The following TRHDE variants were observed in gnomAD, a reference collection of about 807,000 sequenced individuals.
TRHDE encodes thyrotropin releasing hormone degrading enzyme, also known as thyrotropin-releasing hormone-degrading ectoenzyme.
TRHDE carries 72 observed loss-of-function variants against 125.7 expected under a neutral mutation model. The observed-to-expected ratio is 0.57, with a 90% CI of 0.47 to 0.70. The LOEUF (loss-of-function observed/expected upper bound fraction) is 0.70. TRHDE is among the 30% of genes least tolerant of loss of function. The probability of loss-of-function intolerance (pLI) is 0.00; values close to 1 mark genes in which losing one functional copy is unlikely to be tolerated. For missense variants in TRHDE, 1,110 were observed against 1,327.1 expected (o/e 0.84, Z 2.54); for synonymous variants, 509 against 509.1 (o/e 1.00, Z 0.00).
At chr12:72,619,096 T>C (rs552663837) in intron 13 of TRHDE, 58 bp downstream of exon 13, 29 of 1,315,886 alleles carry the variant, frequency 2.2e-5, no homozygotes, top group African/African-American at 3.1e-5. Context: ...TTATTCTCTT[T>C]CTACTATTAT....
intron 2 of TRHDE, among the ~76,000 whole-genome samples, chr12:72,166,083 A>G (rs1876740769): frequency 1.3e-5 from 2 of 152,330 alleles, no homozygotes; most frequent in South Asian, 2.1e-4. Context: ...GCTGTATGCC[A>G]TAGCCTATTG....
intron 2 of TRHDE, among the ~76,000 whole-genome samples, chr12:72,166,907 C>CGTGT (rs59590935): frequency 0.049 from 6,865 of 139,236 alleles, 189 homozygotes; most frequent in African/African-American, 0.059. Context: ...GGTAGATGAA[C>CGTGT]GTGTGTGTGT....
intron 7 of TRHDE, among the ~76,000 whole-genome samples, chr12:72,561,855 G>A (rs980433179): frequency 6.6e-6 from 1 of 152,088 alleles, no homozygotes; most frequent in African/African-American, 2.4e-5. Flanking sequence ...CATTGAAGAG[G>A]TAGTGTTTTC....
Position 72,663,893 on chromosome 12 carries a change from C to G in TRHDE, c.*698C>G, listed in dbSNP as rs1875016149. 1 of 151,878 alleles carries G rather than the reference C, an allele frequency of 6.6e-6. No individual in the cohort carries two copies. Among genetic ancestry groups the G allele is most frequent in the Non-Finnish European group, 1.5e-5 (1 of 67,962 alleles). The allele number at this position is 151,878 out of a possible 1,614,324, so 9.4% of individuals were successfully genotyped here. A position where few individuals can be genotyped will look rare whatever the true frequency, so the allele number is the denominator to read the frequency against. On this transcript the variant is annotated 3_prime_UTR_variant, in exon 19 of 19. Transcript: ENST00000261180. ...ATATGTATATGTACATAGGGAAGCC[C>G]CATATGTATATAGTATGTTGTACAC...
intron 15 of TRHDE, among the ~76,000 whole-genome samples, chr12:72,638,946 T>C (rs1465924936): frequency 1.3e-5 from 2 of 152,002 alleles, no homozygotes; most frequent in Non-Finnish European, 2.9e-5. Flanking sequence ...CATTTTTTCC[T>C]TCATTTCAAC....
chr12:72,180,032 G>T (rs1314741914), intron 2 of TRHDE, among the ~76,000 whole-genome samples: 1 of 151,646 alleles, frequency 6.6e-6, no homozygotes, highest in African/African-American at 2.4e-5. Context: ...ATTAGTAATT[G>T]ATATTACTAC....
chr12:72,194,411 T>G (rs149865905), intron 2 of TRHDE, among the ~76,000 whole-genome samples: 49 of 152,248 alleles, frequency 3.2e-4, no homozygotes, highest in Non-Finnish European at 6.5e-4. Context: ...GCACCCAGAA[T>G]GAACTTAAAA....
chr12:72,467,827 A>G (rs1480998320), intron 3 of TRHDE, among the ~76,000 whole-genome samples: 8 of 152,182 alleles, frequency 5.3e-5, no homozygotes, highest in Non-Finnish European at 7.3e-5. Context: ...ACAAACAAAA[A>G]CAACAACAAA....
At chr12:72,390,291 G>A (rs1368247960) in intron 3 of TRHDE, among the ~76,000 whole-genome samples, 3 of 152,288 alleles carry the variant, frequency 2.0e-5, no homozygotes, top group South Asian at 4.1e-4. Context: ...TTCATGGAGT[G>A]AGTTGCTTCC....
At chr12:72,647,657 A>G (rs1874337871) in intron 15 of TRHDE, among the ~76,000 whole-genome samples, 3 of 152,124 alleles carry the variant, frequency 2.0e-5, no homozygotes, top group South Asian at 4.1e-4. Flanking sequence ...ATTATATGCC[A>G]ACAAATGAAA....
rs112868610 is a variant in TRHDE, at chr12:72,202,390, G to GTA, written n.279+96640_279+96641dup. ...TAATATGAATTTGGCATAGTCCCTG[G>GTA]TATGTACACTCTCAAAAATACTTTT... On this transcript the variant is annotated intron_variant and non_coding_transcript_variant, in intron 2 of 4. Coordinates refer to the TRHDE transcript ENST00000548156. 2.9e-3 allele frequency among the ~76,000 whole-genome samples: 445 copies of GTA among 152,268 alleles called. 3 individuals carry two copies. The highest frequency in any genetic ancestry group is 0.016 in the East Asian group (84 of 5,190).
At chr12:72,662,262 C>CT (rs1874947016) in intron 18 of TRHDE, among the ~76,000 whole-genome samples, 1 of 147,368 alleles carries the variant, frequency 6.8e-6, no homozygotes, top group South Asian at 2.1e-4. Flanking sequence ...TCATTGCCAG[C>CT]TTCTTAAGAT....
At chr12:72,194,392 G>A (rs925948198) in intron 2 of TRHDE, among the ~76,000 whole-genome samples, 1 of 151,962 alleles carries the variant, frequency 6.6e-6, no homozygotes, top group Non-Finnish European at 1.5e-5. Context: ...TTGCCCAATT[G>A]CCTGTAGAGC....
At chr12:72,473,909 GTGGTAC>G (rs1426845669) in intron 5 of TRHDE, among the ~76,000 whole-genome samples, 3 of 151,970 alleles carry the variant, frequency 2.0e-5, no homozygotes. Context: ...TTTATTTTAA[GTGGTAC>G]TATTAAATTA....
chr12:72,622,979 T>G (rs1873114992), intron 15 of TRHDE, among the ~76,000 whole-genome samples: 1 of 152,044 alleles, frequency 6.6e-6, no homozygotes, highest in Non-Finnish European at 1.5e-5. Flanking sequence ...ATTTCATCTG[T>G]CTTCTCTAGA....
intron 2 of TRHDE, among the ~76,000 whole-genome samples, chr12:72,237,641 T>A (rs906402993): frequency 2.4e-4 from 36 of 152,280 alleles, no homozygotes; most frequent in African/African-American, 7.5e-4. Flanking sequence ...CTGTGTGCAC[T>A]CTCTCTCCCG....
intron 15 of TRHDE, among the ~76,000 whole-genome samples, chr12:72,636,072 G>T (rs2136092397): frequency 6.6e-6 from 1 of 151,632 alleles, no homozygotes; most frequent in East Asian, 2.0e-4. Flanking sequence ...GGATGGCATT[G>T]AATCTGTAAA....
At chr12:72,585,998 G>C (rs118157764) in intron 12 of TRHDE, among the ~76,000 whole-genome samples, 1,852 of 152,188 alleles carry the variant, frequency 0.012, 19 homozygotes, top group Non-Finnish European at 0.021. Flanking sequence ...TCAGAACAAA[G>C]AGTCAGAGGA....
intron 2 of TRHDE, among the ~76,000 whole-genome samples, chr12:72,293,447 G>T (rs1161734849): frequency 6.6e-6 from 1 of 152,172 alleles, no homozygotes; most frequent in Non-Finnish European, 1.5e-5. Flanking sequence ...TTGGAGCACT[G>T]TGGGAAGCTC....
Sources: gnomAD v4.1 joint callset for allele counts (sites outside exome capture counted in the v4.1 genomes callset) on GRCh38, gnomAD v4.1.1 for gene constraint, MANE v1.5 for transcripts, NCBI Gene and HGNC (gene_info 2026-07-23, HGNC 2026-07-21) for gene names.